The following FAM117B variants were observed in gnomAD, a reference collection of about 807,000 sequenced individuals.
FAM117B encodes protein FAM117B.
Under a neutral mutation model 52.8 loss-of-function variants are expected in FAM117B, and 22 were observed. That is an observed-to-expected ratio of 0.42 (90% CI 0.30 to 0.59). FAM117B has a LOEUF of 0.59. FAM117B is among the 20% of genes least tolerant of loss of function. The pLI, the probability that FAM117B is intolerant of heterozygous loss-of-function variation, is 0.22. For synonymous variants in FAM117B, 309 were observed against 324.1 expected (o/e 0.95, Z 0.50); for missense variants, 678 against 802.6 (o/e 0.84, Z 1.88).
chr2:202,662,165 TGTACAGACTG>T (rs1372337610), intron 1 of FAM117B, among the ~76,000 whole-genome samples: 48 of 152,008 alleles, frequency 3.2e-4, no homozygotes, highest in African/African-American at 1.1e-3. Context: ...TGTGTGTACG[TGTACAGACTG>T]GTAGTATATA....
intron 1 of FAM117B, among the ~76,000 whole-genome samples, chr2:202,652,306 G>T (rs1354686120): frequency 2.0e-5 from 3 of 151,892 alleles, no homozygotes. Context: ...TCACTATGTT[G>T]CCCAGGCTGG....
intron 1 of FAM117B, among the ~76,000 whole-genome samples, chr2:202,689,761 T>TACA (rs1574556791): frequency 6.6e-6 from 1 of 151,838 alleles, no homozygotes; most frequent in African/African-American, 2.4e-5. Flanking sequence ...CTACAAAAAA[T>TACA]ACAACAGTTA....
At chr2:202,745,046 C>A in intron 4 of FAM117B, among the ~76,000 whole-genome samples, 1 of 108,220 alleles carries the variant, frequency 9.2e-6, no homozygotes. Context: ...CTTTGGGAGG[C>A]TGAGGCAGGC....
intron 2 of FAM117B, among the ~76,000 whole-genome samples, chr2:202,706,097 C>T (rs921760453): frequency 6.6e-6 from 1 of 152,180 alleles, no homozygotes; most frequent in Non-Finnish European, 1.5e-5. Context: ...AATCACCGTG[C>T]ACTATAGCCT....
rs1233030680 is a variant in FAM117B at position 202,768,498 on chromosome 2, C to CT, written c.*2735dup. 2 of 152,586 alleles carry CT rather than the reference C, an allele frequency of 1.3e-5. No homozygotes were observed. Among genetic ancestry groups the CT allele is most frequent in the Non-Finnish European group, 2.9e-5 (2 of 68,038 alleles). The allele number at this position is 152,586 out of a possible 1,614,324, so 9.5% of individuals were successfully genotyped here. A position where few individuals can be genotyped will look rare whatever the true frequency, so the allele number is the denominator to read the frequency against. ...AAAAGGTACAAGGTACAAAACAACT[C>CT]TAACTGCCAGTGCCAAAGGGCTAAT... is the stretch of plus-strand genomic sequence containing the variant. On this transcript the variant is annotated 3_prime_UTR_variant, in exon 8 of 8. Transcript: ENST00000392238.
At chr2:202,643,279 GAAGATGGTAA>G (rs1358332219) in intron 1 of FAM117B, among the ~76,000 whole-genome samples, 1 of 152,168 alleles carries the variant, frequency 6.6e-6, no homozygotes, top group Non-Finnish European at 1.5e-5. Context: ...AAATTCAAGA[GAAGATGGTAA>G]ATGTAGATGG....
At chr2:202,687,232 A>G (rs779319644) in intron 1 of FAM117B, among the ~76,000 whole-genome samples, 1 of 152,252 alleles carries the variant, frequency 6.6e-6, no homozygotes, top group African/African-American at 2.4e-5. Context: ...ACACCTTTTA[A>G]AAAAGCAAAA....
Position 202,635,763 on chromosome 2 carries a change from C to A in FAM117B, c.576C>A (p.Ser192Arg). The A allele has an allele frequency of 2.7e-6, 4 of 1,455,366 alleles. No individual in the cohort carries two copies. The highest frequency in any genetic ancestry group is 3.6e-6 in the Non-Finnish European group (4 of 1,106,348). The allele number at this position is 1,455,366 out of a possible 1,614,324, so 90.2% of individuals were successfully genotyped here. The part of the protein sequence containing the change: ...EQSRSSPEKR[S>R]PSAPVCKAGD... ...GCCGAAGCTCGCCGGAGAAGAGGAG[C>A]CCCAGCGCCCCGGTTTGCAAAGCAG... The change falls in exon 1 of 8, where the codon AGC (serine) becomes AGA (arginine). Residue 192 changes from serine (S) to arginine (R), a missense_variant. By Grantham distance (110) the Ser-to-Arg change is moderately radical. This residue lies in a region of FAM117B where 583 missense variants were observed against 644.8 expected (regional missense o/e 0.90). Transcript: ENST00000392238.
chr2:202,757,301 G>A lies in FAM117B; in HGVS notation c.1193G>A (p.Gly398Asp). The change falls in exon 6 of 8, where the codon GGT (glycine) becomes GAT (aspartate). Residue 398 changes from glycine (G) to aspartate (D), a missense_variant. Physicochemically the swap from Gly to Asp is moderately conservative, Grantham distance 94 (BLOSUM62 -1). This residue lies in a region of FAM117B where 583 missense variants were observed against 644.8 expected (regional missense o/e 0.90). Coordinates refer to ENST00000392238, the MANE Select transcript of FAM117B (RefSeq NM_173511.4). The part of the protein sequence containing the change: ...STRSIDTQTP[G>D]GADRGSNNSS... ...CGCAGCATTGACACACAGACGCCTG[G>A]TGGGGCAGACAGGGGAAGCAACAAC... 6.2e-7 allele frequency: 1 copy of A among 1,614,104 alleles called. No individual in the cohort carries two copies. Among genetic ancestry groups the A allele is most frequent in the Non-Finnish European group, 8.5e-7 (1 of 1,180,028 alleles).
At chr2:202,670,135 T>C (rs902644529) in intron 1 of FAM117B, among the ~76,000 whole-genome samples, 3 of 152,220 alleles carry the variant, frequency 2.0e-5, no homozygotes, top group Admixed American at 2.0e-4. Flanking sequence ...GAGTACCTGC[T>C]ATGTGCTAGC....
intron 1 of FAM117B, among the ~76,000 whole-genome samples, chr2:202,681,472 TG>T (rs1338233908): frequency 6.6e-6 from 1 of 152,260 alleles, no homozygotes; most frequent in East Asian, 1.9e-4. Context: ...TGTACAAAAC[TG>T]AGCGTAGGAA....
At chr2:202,693,550 C>T (rs865921830) in intron 1 of FAM117B, among the ~76,000 whole-genome samples, 1 of 152,174 alleles carries the variant, frequency 6.6e-6, no homozygotes, top group Non-Finnish European at 1.5e-5. Context: ...GAGCCTAGAT[C>T]GCCACACTGC....
chr2:202,759,449 A>AG, intron 7 of FAM117B, 96 bp downstream of exon 7: 15 of 1,447,228 alleles, frequency 1.0e-5, no homozygotes, highest in Non-Finnish European at 1.4e-5. Flanking sequence ...GACTGCACTG[A>AG]TGCAGTCACA....
At chr2:202,726,732 G>A (rs1044016591) in intron 4 of FAM117B, among the ~76,000 whole-genome samples, 1 of 152,060 alleles carries the variant, frequency 6.6e-6, no homozygotes, top group African/African-American at 2.4e-5. Flanking sequence ...ATGTGAAGAT[G>A]GGAATAATAA....
At chr2:202,644,067 T>TG (rs1689818303) in intron 1 of FAM117B, among the ~76,000 whole-genome samples, 2 of 92,494 alleles carry the variant, frequency 2.2e-5, no homozygotes, top group African/African-American at 3.3e-5. Flanking sequence ...TTTTTTTGTT[T>TG]TTTTTTTTTT....
Position 202,757,354 on chromosome 2 carries a change from A to G in FAM117B, c.1246A>G (p.Thr416Ala), listed in dbSNP as rs552505798. Residue 416 changes from threonine (T) to alanine (A), a missense_variant, in exon 6 of 8, where the codon ACA becomes GCA. Transcript: ENST00000392238. ...CAGCCGTTCCCAGTCCGTGTCCCCA[A>G]CATCGTTCCTCACCATTTCCAATGA... ...NSSRSQSVSP[T>A]SFLTISNEGS... The G allele has an allele frequency of 9.3e-6, 15 of 1,614,110 alleles. No individual in the cohort carries two copies. In the East Asian group the frequency reaches 2.0e-4, roughly 22 times the overall value.
intron 1 of FAM117B, among the ~76,000 whole-genome samples, chr2:202,679,990 T>G (rs1469384002): frequency 6.6e-6 from 1 of 152,058 alleles, no homozygotes; most frequent in Non-Finnish European, 1.5e-5. Flanking sequence ...ATGAATGTAA[T>G]GAGAAAAATG....
chr2:202,731,411 C>G (rs567752538), intron 4 of FAM117B, among the ~76,000 whole-genome samples: 5 of 127,500 alleles, frequency 3.9e-5, no homozygotes, highest in Non-Finnish European at 8.2e-5. Flanking sequence ...AATATATAAA[C>G]TTTTATTTAT....
chr2:202,635,593 A>G lies in FAM117B; in HGVS notation c.406A>G (p.Ser136Gly). ...CAGCGCCGCGCCTGGAGCTCGCGGG[A>G]GCCCCCCACGGCCGCCGCCGCCGCC... ...TRSAAPGARG[S>G]PPRPPPPPPL... is the part of the protein sequence containing the mutation. Residue 136 changes from serine to glycine, a missense_variant, in exon 1 of 8, where the codon AGC becomes GGC. By Grantham distance (56) the Ser-to-Gly change is moderately conservative (BLOSUM62 0). Around this residue, in one of 3 missense-constraint regions of FAM117B, gnomAD observed 583 missense variants for 644.8 expected, o/e 0.90. Transcript: ENST00000392238. The G allele has an allele frequency of 8.0e-7, 1 of 1,253,152 alleles. No homozygotes were observed. Among genetic ancestry groups the G allele is most frequent in the Non-Finnish European group, 9.9e-7 (1 of 1,006,642 alleles). The allele number at this position is 1,253,152 out of a possible 1,614,324, so 77.6% of individuals were successfully genotyped here.
Sources: allele counts gnomAD v4.1 joint callset (sites outside exome capture counted in the v4.1 genomes callset), GRCh38; gene constraint gnomAD v4.1.1; regional missense constraint gnomAD v4.1.1; transcripts MANE v1.5; gene names NCBI Gene and HGNC (gene_info 2026-07-23, HGNC 2026-07-21).